The following NLGN1 variants were observed in gnomAD, a reference collection of about 807,000 sequenced individuals.
The protein encoded by NLGN1 is neuroligin-1.
NLGN1 carries 12 observed loss-of-function variants against 65.5 expected under a neutral mutation model. That is an observed-to-expected ratio of 0.18 (90% CI 0.12 to 0.30). NLGN1 has a LOEUF of 0.30. NLGN1 is among the 10% of genes least tolerant of loss of function. The pLI is 1.00. For synonymous variants in NLGN1, 350 were observed against 359.5 expected (o/e 0.97, Z 0.30); for missense variants, 750 against 1,007.1 (o/e 0.74, Z 3.46).
chr3:174,001,775 G>GGAT (rs980428323), intron 4 of NLGN1, among the ~76,000 whole-genome samples: 4 of 152,128 alleles, frequency 2.6e-5, no homozygotes, highest in Non-Finnish European at 5.9e-5. Context: ...CAAGGAAATG[G>GGAT]GATGATGATG....
At chr3:173,605,534 T>A (rs1256203436) in intron 3 of NLGN1, 1 of 1,282,428 alleles carries the variant, frequency 7.8e-7, no homozygotes, top group Non-Finnish European at 1.0e-6. Context: ...CATTTTTCAG[T>A]AAAAAGAATA....
At chr3:173,630,876 A>G (rs1755580370) in intron 3 of NLGN1, among the ~76,000 whole-genome samples, 1 of 152,198 alleles carries the variant, frequency 6.6e-6, no homozygotes, top group Non-Finnish European at 1.5e-5. Context: ...TTGGAAAAAG[A>G]GAGACTCTTG....
At chr3:174,059,748 C>G (rs888951183) in intron 4 of NLGN1, among the ~76,000 whole-genome samples, 7 of 152,140 alleles carry the variant, frequency 4.6e-5, no homozygotes, top group African/African-American at 1.7e-4. Flanking sequence ...AATAACTCCA[C>G]AAGTTAAATG....
Position 174,016,266 on chromosome 3 carries a change from T to C in NLGN1, c.646+208434T>C, listed in dbSNP as rs150201972. On this transcript the variant is annotated intron_variant, in intron 4 of 6. Transcript: ENST00000457714. Reference sequence around the variant, plus strand: ...TTAGAGTGAGCATCAGAGAAACTTTTGGGTTATGACTTTTTCTAAAGCAAA... The same window carrying C: ...TTAGAGTGAGCATCAGAGAAACTTTCGGGTTATGACTTTTTCTAAAGCAAA... Among the ~76,000 whole-genome samples, 140 of 152,320 alleles carry C rather than the reference T, an allele frequency of 9.2e-4. 1 individual carries two copies. The East Asian group carries it at 0.023, about 25-fold the overall frequency.
chr3:173,878,043 T>A lies in NLGN1; in HGVS notation c.646+70211T>A, dbSNP rs541887545. Among the ~76,000 whole-genome samples, 231 of 152,182 alleles carry A rather than the reference T, an allele frequency of 1.5e-3. 1 individual carries two copies. Among genetic ancestry groups the A allele is most frequent in the African/African-American group, 5.0e-3 (209 of 41,518 alleles). ...TACTTTAAACACCTTGAGAATTATT[T>A]TTTTTTTAATCTTTTTGAGACAGAG... On this transcript the variant is annotated intron_variant, in intron 4 of 6. Transcript: ENST00000457714.
chr3:173,808,505 G>C (rs1011374138), intron 4 of NLGN1, among the ~76,000 whole-genome samples: 14 of 152,010 alleles, frequency 9.2e-5, no homozygotes, highest in African/African-American at 3.4e-4. Flanking sequence ...TTCTGAGATA[G>C]GCATGTTATC....
intron 1 of NLGN1, among the ~76,000 whole-genome samples, chr3:173,425,636 A>G (rs1339757290): frequency 6.6e-6 from 1 of 152,136 alleles, no homozygotes; most frequent in Non-Finnish European, 1.5e-5. Flanking sequence ...GTTGAAAATG[A>G]GTTGGCTGTA....
At chr3:174,130,719 G>T (rs1720011408) in intron 4 of NLGN1, among the ~76,000 whole-genome samples, 2 of 152,114 alleles carry the variant, frequency 1.3e-5, no homozygotes, top group South Asian at 4.1e-4. Flanking sequence ...GGACAGAATT[G>T]TTCATTGGGA....
rs115059142 is a variant in NLGN1, at chr3:173,918,851, T to G, written c.646+111019T>G. Among the ~76,000 whole-genome samples the G allele has an allele frequency of 5.0e-3, 756 of 152,202 alleles. 6 individuals carry two copies. Among genetic ancestry groups the G allele is most frequent in the Admixed American group, 0.023 (346 of 15,268 alleles). ...AATTTATTATTTTATAGTCCTAAAA[T>G]CAGTGTGTCTACAGGATTGCATTAC... On this transcript the variant is annotated intron_variant, in intron 4 of 6. Coordinates refer to ENST00000457714, the Ensembl canonical transcript of NLGN1.
At chr3:174,146,000 C>T (rs1561151933) in intron 4 of NLGN1, among the ~76,000 whole-genome samples, 1 of 152,232 alleles carries the variant, frequency 6.6e-6, no homozygotes, top group Non-Finnish European at 1.5e-5. Context: ...CACGCATTCA[C>T]AAACCTTGTA....
chr3:174,070,139 T>C (rs1241637829), intron 4 of NLGN1, among the ~76,000 whole-genome samples: 1 of 152,078 alleles, frequency 6.6e-6, no homozygotes, highest in African/African-American at 2.4e-5. Context: ...AGAAGCAACA[T>C]TGCAAGTCTG....
chr3:174,205,862 C>T (rs562410474), intron 4 of NLGN1, among the ~76,000 whole-genome samples: 25 of 152,292 alleles, frequency 1.6e-4, no homozygotes, highest in Middle Eastern at 3.4e-3. Context: ...CTGCTAAGTT[C>T]AACCTTATAG....
At chr3:174,291,003 T>C (rs188426990), downstream of NLGN1, among the ~76,000 whole-genome samples, 2 of 149,914 alleles carry the variant, frequency 1.3e-5, no homozygotes, top group Non-Finnish European at 3.0e-5. Flanking sequence ...TTAATAAAAC[T>C]CAAGAAAGAA....
At chr3:173,576,520 G>A (rs936935999) in intron 2 of NLGN1, among the ~76,000 whole-genome samples, 7 of 152,010 alleles carry the variant, frequency 4.6e-5, no homozygotes, top group Admixed American at 2.0e-4. Context: ...TCCTTCTTTC[G>A]TCTTCTAAGC....
At chr3:173,993,537 A>G (rs1170038868) in intron 4 of NLGN1, among the ~76,000 whole-genome samples, 1 of 152,114 alleles carries the variant, frequency 6.6e-6, no homozygotes, top group Non-Finnish European at 1.5e-5. Context: ...GTCCCTAAGA[A>G]TGCTATGGTA....
intron 2 of NLGN1, among the ~76,000 whole-genome samples, chr3:173,450,120 T>G (rs548613339): frequency 1.3e-5 from 2 of 152,332 alleles, no homozygotes; most frequent in South Asian, 2.1e-4. Context: ...GTTAGCTGGT[T>G]ATTTTGCTCG....
chr3:174,136,224 A>G (rs1204036503), intron 4 of NLGN1, among the ~76,000 whole-genome samples: 1 of 152,152 alleles, frequency 6.6e-6, no homozygotes, highest in Non-Finnish European at 1.5e-5. Flanking sequence ...GAATGTTCAC[A>G]TTAATATTAA....
At chr3:173,637,005 A>G (rs1756699405) in intron 3 of NLGN1, among the ~76,000 whole-genome samples, 1 of 152,186 alleles carries the variant, frequency 6.6e-6, no homozygotes, top group African/African-American at 2.4e-5. Flanking sequence ...GTGCAAAGAG[A>G]AATAAGATAA....
intron 2 of NLGN1, among the ~76,000 whole-genome samples, chr3:173,492,343 G>T (rs1049858327): frequency 1.3e-5 from 2 of 151,708 alleles, no homozygotes; most frequent in Admixed American, 6.6e-5. Context: ...ATGAGCCTAA[G>T]CATTTCATGT....
Sources: gnomAD v4.1 joint callset for allele counts (sites outside exome capture counted in the v4.1 genomes callset) on GRCh38, gnomAD v4.1.1 for gene constraint, MANE v1.5 for transcripts, NCBI Gene and HGNC (gene_info 2026-07-23, HGNC 2026-07-21) for gene names.